Variants in NCKAP5 observed in about 807,000 individuals in gnomAD.
NCKAP5 encodes nck-associated protein 5.
In NCKAP5, 92 loss-of-function variants were observed where a neutral mutation model predicts 167.0. That is an observed-to-expected ratio of 0.55 (90% confidence interval 0.47 to 0.66). NCKAP5 has a LOEUF of 0.66. Among genes scored for constraint, NCKAP5 ranks in the 30% least tolerant of loss-of-function variants. The pLI, the probability that NCKAP5 is intolerant of heterozygous loss-of-function variation, is 0.00. For synonymous variants in NCKAP5, 891 were observed against 877.4 expected (o/e 1.02, Z -0.27); for missense variants, 2,378 against 2,315.0 (o/e 1.03, Z -0.56).
chr2:133,195,201 A>C (rs1482663264), intron 5 of NCKAP5, among the ~76,000 whole-genome samples: 1 of 152,150 alleles, frequency 6.6e-6, no homozygotes, highest in Non-Finnish European at 1.5e-5. Context: ...TCAGATGGGC[A>C]CAAAATCAAG....
At chr2:133,234,669 G>C (rs1223707622) in intron 4 of NCKAP5, among the ~76,000 whole-genome samples, 2 of 152,020 alleles carry the variant, frequency 1.3e-5, no homozygotes, top group African/African-American at 4.8e-5. Context: ...GGGCTAAACT[G>C]TATGCATTCT....
At chr2:132,794,263 TAG>T (rs70973407) in intron 12 of NCKAP5, among the ~76,000 whole-genome samples, 131 of 11,878 alleles carry the variant, frequency 0.011, no homozygotes, top group African/African-American at 0.015. Context: ...TATATATATA[TAG>T]AGAGAGAGAG....
chr2:133,420,388 G>A (rs552096266), intron 3 of NCKAP5, among the ~76,000 whole-genome samples: 5 of 152,308 alleles, frequency 3.3e-5, no homozygotes, highest in South Asian at 4.1e-4. Context: ...CCATTTATAC[G>A]AAATGTCCAG....
intron 3 of NCKAP5, among the ~76,000 whole-genome samples, chr2:133,407,340 C>A (rs1211225901): frequency 1.3e-5 from 2 of 152,174 alleles, no homozygotes. Flanking sequence ...TAATCCTGGT[C>A]CCTCCTGTTG....
chr2:133,349,800 T>C (rs1684231815), intron 3 of NCKAP5, among the ~76,000 whole-genome samples: 1 of 152,182 alleles, frequency 6.6e-6, no homozygotes, highest in African/African-American at 2.4e-5. Context: ...CTCCATACTA[T>C]TGTACCCTCA....
intron 15 of NCKAP5, among the ~76,000 whole-genome samples, chr2:132,779,702 A>G (rs1682856300): frequency 6.6e-6 from 1 of 152,158 alleles, no homozygotes; most frequent in African/African-American, 2.4e-5. Flanking sequence ...AGCTATTTGA[A>G]TAAAAAAATT....
chr2:133,449,279 T>C (rs1691403442), intron 3 of NCKAP5, among the ~76,000 whole-genome samples: 1 of 152,222 alleles, frequency 6.6e-6, no homozygotes, highest in Non-Finnish European at 1.5e-5. Context: ...TTATGTATAT[T>C]AGAAACTGAA....
At chr2:133,611,124 C>T in the NCKAP5 span, among the ~76,000 whole-genome samples, 4 of 87,452 alleles carry the variant, frequency 4.6e-5, no homozygotes, top group South Asian at 3.9e-4. Flanking sequence ...TGTTAATGCC[C>T]GAAAAAAAAA....
At chr2:133,467,824 G>T (rs1482478835) in intron 3 of NCKAP5, among the ~76,000 whole-genome samples, 6 of 137,562 alleles carry the variant, frequency 4.4e-5, no homozygotes. Context: ...TTCTCTGATG[G>T]TGGTTTGTAT....
At chr2:133,296,811 T>G (rs999665889) in intron 4 of NCKAP5, among the ~76,000 whole-genome samples, 1 of 152,216 alleles carries the variant, frequency 6.6e-6, no homozygotes, top group African/African-American at 2.4e-5. Flanking sequence ...TTCTTCCTAT[T>G]GTGTAGTATT....
intron 3 of NCKAP5, among the ~76,000 whole-genome samples, chr2:133,438,623 T>C (rs535028322): frequency 1.3e-5 from 2 of 152,232 alleles, no homozygotes; most frequent in African/African-American, 2.4e-5. Context: ...CTGGGGGTTA[T>C]AGACAATGCC....
chr2:133,155,710 C>A (rs1384458257), intron 5 of NCKAP5, among the ~76,000 whole-genome samples: 2 of 152,146 alleles, frequency 1.3e-5, no homozygotes, highest in Non-Finnish European at 2.9e-5. Context: ...TGTGGGTGGG[C>A]CTCAACCAAT....
chr2:132,901,661 T>C (rs1038838404), intron 8 of NCKAP5, among the ~76,000 whole-genome samples: 1 of 152,238 alleles, frequency 6.6e-6, no homozygotes, highest in Non-Finnish European at 1.5e-5. Flanking sequence ...TTAAAATCCC[T>C]TAAAAATAGC....
At chr2:132,729,427 C>T (rs989085551) in intron 17 of NCKAP5, among the ~76,000 whole-genome samples, 7 of 152,266 alleles carry the variant, frequency 4.6e-5, no homozygotes, top group South Asian at 2.1e-4. Flanking sequence ...TCCTAAAATA[C>T]GTATTAAGGT....
intron 8 of NCKAP5, among the ~76,000 whole-genome samples, chr2:132,903,629 T>C (rs771291815): frequency 6.6e-6 from 1 of 152,232 alleles, no homozygotes; most frequent in Non-Finnish European, 1.5e-5. Context: ...CAGACATCTA[T>C]TATTTTCATG....
chr2:132,913,516 C>A (rs531126800), intron 8 of NCKAP5, among the ~76,000 whole-genome samples: 1 of 152,028 alleles, frequency 6.6e-6, no homozygotes, highest in African/African-American at 2.4e-5. Flanking sequence ...TGCCTGCTAC[C>A]TAGTTAGCTC....
At chr2:133,623,636 A>T in the NCKAP5 span, among the ~76,000 whole-genome samples, 2 of 152,088 alleles carry the variant, frequency 1.3e-5, no homozygotes, top group African/African-American at 4.8e-5. Flanking sequence ...CCACAATAAA[A>T]AAAAAAAAAA....
At chr2:133,286,392 T>C (rs74482122) in intron 4 of NCKAP5, among the ~76,000 whole-genome samples, 1 of 152,242 alleles carries the variant, frequency 6.6e-6, no homozygotes, top group African/African-American at 2.4e-5. Context: ...GGAGGAAGTA[T>C]AGGAGTAGTG....
intron 3 of NCKAP5, among the ~76,000 whole-genome samples, chr2:133,493,562 T>C (rs865892579): frequency 6.6e-6 from 1 of 152,208 alleles, no homozygotes; most frequent in Non-Finnish European, 1.5e-5. Context: ...GCACATAGTA[T>C]GTACTTAACA....
Sources: allele counts gnomAD v4.1 joint callset (sites outside exome capture counted in the v4.1 genomes callset), GRCh38; gene constraint gnomAD v4.1.1; transcripts MANE v1.5; gene names NCBI Gene and HGNC (gene_info 2026-07-23, HGNC 2026-07-21).